NFATC2: variants seen among roughly 807,000 people sequenced by gnomAD.
NFATC2 encodes the protein nuclear factor of activated T-cells, cytoplasmic 2.
A neutral mutation model predicts 87.3 loss-of-function variants in NFATC2; 22 were observed. The observed-to-expected ratio is 0.25, with a 90% CI of 0.18 to 0.36. The LOEUF (loss-of-function observed/expected upper bound fraction) is 0.36. Ranked by LOEUF, NFATC2 falls within the 10% of genes least tolerant of loss-of-function variation. NFATC2 has a pLI of 1.00. For synonymous variants in NFATC2, 565 were observed against 542.2 expected (o/e 1.04, Z -0.58); for missense variants, 1,149 against 1,259.1 (o/e 0.91, Z 1.32).
chr20:51,520,091 G>A (rs188035485), intron 2 of NFATC2, among the ~76,000 whole-genome samples: 38 of 152,184 alleles, frequency 2.5e-4, no homozygotes, highest in Middle Eastern at 3.4e-3. Flanking sequence ...AGACCACATC[G>A]GCTGGCACAG....
At chr20:51,417,555 C>T (rs760911698) in intron 9 of NFATC2, among the ~76,000 whole-genome samples, 3 of 152,224 alleles carry the variant, frequency 2.0e-5, no homozygotes, top group South Asian at 2.1e-4. Context: ...GAGGTTGGTC[C>T]TGACCACCCC....
At position 51,539,352 on chromosome 20, in the gene NFATC2, C is replaced by T. The variant is rs564406338; in HGVS notation, c.130+3018G>A. Among the ~76,000 whole-genome samples the T allele has an allele frequency of 7.8e-4, 118 of 152,220 alleles. 2 individuals carry two copies. Among genetic ancestry groups the T allele is most frequent in the Middle Eastern group, 6.8e-3 (2 of 294 alleles). ...TAAAAAGATTAAGGCTAGTGTTCAC[C>T]CCTGAGGAGTCCCACCATACAGAAG... is the stretch of plus-strand genomic sequence containing the variant. On this transcript the variant is annotated intron_variant, in intron 1 of 10. Coordinates refer to ENST00000371564, the MANE Select transcript of NFATC2 (RefSeq NM_012340.5).
At chr20:51,460,945 T>C (rs4809845) in intron 5 of NFATC2, among the ~76,000 whole-genome samples, 34,564 of 152,134 alleles carry the variant, frequency 0.23, 4,152 homozygotes, top group Middle Eastern at 0.34. Context: ...GCCAGACATT[T>C]GCATTTTAAC....
At chr20:51,530,193 AG>A (rs576142453) in intron 1 of NFATC2, among the ~76,000 whole-genome samples, 169 of 152,266 alleles carry the variant, frequency 1.1e-3, no homozygotes, top group African/African-American at 3.8e-3. Flanking sequence ...TTTGAGACAG[AG>A]TCTTGCTCTG....
intron 3 of NFATC2, among the ~76,000 whole-genome samples, chr20:51,492,280 C>T (rs1031486179): frequency 1.3e-5 from 2 of 151,872 alleles, no homozygotes; most frequent in African/African-American, 2.4e-5. Flanking sequence ...CGAGCCCCGC[C>T]GCACCCCGCC....
chr20:51,417,235 A>G (rs1329299621), intron 9 of NFATC2, among the ~76,000 whole-genome samples: 2 of 152,194 alleles, frequency 1.3e-5, no homozygotes, highest in South Asian at 4.2e-4. Flanking sequence ...TAGCATTGTT[A>G]CAATATTTCC....
intron 5 of NFATC2, among the ~76,000 whole-genome samples, chr20:51,472,184 G>C (rs969047492): frequency 2.0e-5 from 3 of 152,212 alleles, no homozygotes; most frequent in Admixed American, 6.5e-5. Context: ...GAACCCGGGA[G>C]GTAGAAGTTG....
rs756698530 is a variant in NFATC2, at chr20:51,475,597, G to A, written c.1396C>T (p.Arg466Trp). The change falls in exon 4 of 11, where the codon CGG (arginine) becomes TGG (tryptophan). Residue 466 changes from arginine (R) to tryptophan (W), a missense_variant. Arg to Trp is a moderately radical substitution (Grantham distance 101). This residue lies in a region of NFATC2 where 581 missense variants were observed against 649.7 expected (regional missense o/e 0.89). Coordinates refer to ENST00000371564, the MANE Select transcript of NFATC2 (RefSeq NM_012340.5). ...TAGAAGGCGTGCGGCTTAAGGATCC[G>A]CTCATCAGCTGTCCCAATGAAGATC... ...LQIFIGTADE[R>W]ILKPHAFYQV... 1.9e-6 allele frequency: 3 copies of A among 1,614,126 alleles called. No individual in the cohort carries two copies. Among genetic ancestry groups the A allele is most frequent in the Non-Finnish European group, 2.5e-6 (3 of 1,180,026 alleles).
At chr20:51,466,124 C>T (rs1987661614) in intron 5 of NFATC2, among the ~76,000 whole-genome samples, 1 of 152,118 alleles carries the variant, frequency 6.6e-6, no homozygotes, top group Non-Finnish European at 1.5e-5. Context: ...GGGATCTCGG[C>T]TCACTGCAAC....
At chr20:51,495,313 C>G (rs2146601733) in intron 3 of NFATC2, among the ~76,000 whole-genome samples, 1 of 152,304 alleles carries the variant, frequency 6.6e-6, no homozygotes, top group Non-Finnish European at 1.5e-5. Context: ...GTCTTGAACT[C>G]CTGGGCTCAA....
intron 3 of NFATC2, among the ~76,000 whole-genome samples, chr20:51,514,345 T>G (rs1600917482): frequency 6.6e-6 from 1 of 152,246 alleles, no homozygotes; most frequent in African/African-American, 2.4e-5. Flanking sequence ...GGCCAATGCA[T>G]TTAATGAGCA....
chr20:51,532,220 AG>A (rs980141882), intron 1 of NFATC2, among the ~76,000 whole-genome samples: 4 of 152,156 alleles, frequency 2.6e-5, no homozygotes, highest in Non-Finnish European at 4.4e-5. Flanking sequence ...CATTTTATAT[AG>A]GGGGAAAATG....
chr20:51,543,307 C>T (rs537624898), upstream of NFATC2, among the ~76,000 whole-genome samples: 2 of 152,334 alleles, frequency 1.3e-5, no homozygotes, highest in African/African-American at 4.8e-5. Context: ...CACTGTTGCC[C>T]TCGGAAGCTC....
At chr20:51,513,587 G>C (rs752154136) in intron 3 of NFATC2, among the ~76,000 whole-genome samples, 3 of 152,258 alleles carry the variant, frequency 2.0e-5, no homozygotes, top group Non-Finnish European at 4.4e-5. Flanking sequence ...CAGCCTAGCA[G>C]GTGTCTCCTG....
intron 1 of NFATC2, among the ~76,000 whole-genome samples, chr20:51,532,617 G>A (rs1465479382): frequency 2.0e-5 from 3 of 152,224 alleles, no homozygotes; most frequent in Non-Finnish European, 4.4e-5. Context: ...GAAGCTCTGT[G>A]AGCCTGTTGC....
intron 10 of NFATC2, among the ~76,000 whole-genome samples, 174 bp downstream of exon 10, chr20:51,398,469 C>CACT (rs1987558213): frequency 6.6e-6 from 1 of 152,136 alleles, no homozygotes. Context: ...TCAGGGAGGT[C>CACT]CCCAGGAGTG....
At position 51,398,731 on chromosome 20, in the gene NFATC2, C is replaced by T; in HGVS notation, c.2723-1G>A. On this transcript the variant is annotated splice_acceptor_variant, in intron 9 of 10. Transcript: ENST00000371564. LOFTEE classifies it high-confidence loss of function. The stretch of plus-strand genomic sequence containing the variant: ...CAGCTAAGGTGTGTGTCTATCAGCT[C>T]TGAAAAAGATTTGCAAAATCATTTT... 1 of 1,606,104 alleles carries T rather than the reference C, an allele frequency of 6.2e-7. No homozygotes were observed. Among genetic ancestry groups the T allele is most frequent in the Non-Finnish European group, 8.5e-7 (1 of 1,174,430 alleles).
chr20:51,432,572 G>A lies in NFATC2; in HGVS notation c.2217C>T (p.Asp739=), dbSNP rs1393041825. Residue 739 remains aspartate (D), a synonymous_variant, in exon 9 of 11, where the codon GAC becomes GAT. Coordinates refer to ENST00000371564, the MANE Select transcript of NFATC2 (RefSeq NM_012340.5). This position sits in a 1 kb window ranked among gnomAD's most constrained non-coding sequence, Gnocchi z 4.6. ...CTGGGTTCTGTTGCTGGTAGCGGGC[G>A]TCAGGGGATGAGAGCCCCGTGCGGA... ...QQFRTGLSSP[D]ARYQQQNPAA... 8 of 1,534,832 alleles carry A rather than the reference G, an allele frequency of 5.2e-6. No individual in the cohort carries two copies. The highest frequency in any genetic ancestry group is 2.3e-5 in the East Asian group (1 of 44,172).
At chr20:51,431,373 G>A (rs895360513) in intron 9 of NFATC2, among the ~76,000 whole-genome samples, 8 of 152,056 alleles carry the variant, frequency 5.3e-5, no homozygotes, top group Non-Finnish European at 1.0e-4. Context: ...TTCTCCACAA[G>A]ACTACCCTCT....
Sources: allele counts gnomAD v4.1 joint callset (sites outside exome capture counted in the v4.1 genomes callset), GRCh38; gene constraint gnomAD v4.1.1; regional missense constraint gnomAD v4.1.1; non-coding constraint Gnocchi (gnomAD v3.1); transcripts MANE v1.5; gene names NCBI Gene and HGNC (gene_info 2026-07-23, HGNC 2026-07-21).